Variants in PTPRK observed in about 807,000 individuals in gnomAD.
PTPRK encodes the protein protein tyrosine phosphatase receptor type K, also known as receptor-type tyrosine-protein phosphatase kappa.
Under a neutral mutation model 178.0 loss-of-function variants are expected in PTPRK, and 75 were observed. That is an observed-to-expected ratio of 0.42 (90% CI 0.35 to 0.51). The LOEUF (loss-of-function observed/expected upper bound fraction) is 0.51, where lower values mean the gene tolerates loss of function less well. PTPRK is among the 20% of genes least tolerant of loss of function. The pLI is 0.02. For synonymous variants in PTPRK, 637 were observed against 620.6 expected, an observed-to-expected ratio of 1.03 and a Z score of -0.39; for missense variants, 1,441 against 1,797.8, an observed-to-expected ratio of 0.80 and a Z score of 3.59.
intron 1 of PTPRK, among the ~76,000 whole-genome samples, chr6:128,422,933 T>A (rs1843670531): frequency 1.3e-5 from 2 of 152,122 alleles, no homozygotes; most frequent in African/African-American, 4.8e-5. Context: ...ATGAATAAAC[T>A]TTTTCTAAGC....
At chr6:128,250,168 C>G (rs1215073170) in intron 3 of PTPRK, among the ~76,000 whole-genome samples, 1 of 152,164 alleles carries the variant, frequency 6.6e-6, no homozygotes, top group Non-Finnish European at 1.5e-5. Flanking sequence ...ATCTATCAAA[C>G]CTATTTTTCT....
intron 9 of PTPRK, 120 bp from the exon 10 acceptor site, chr6:128,082,758 CTTCTTT>C (rs1457104994): frequency 3.3e-5 from 22 of 666,236 alleles, no homozygotes; most frequent in Non-Finnish European, 5.2e-5. Context: ...TAATTTTTTT[CTTCTTT>C]TCTTTCTCAT....
Position 128,464,614 on chromosome 6 carries a change from C to T in PTPRK, c.100+55645G>A, listed in dbSNP as rs9491956. Among the ~76,000 whole-genome samples the T allele has an allele frequency of 4.8e-3, 355 of 73,900 alleles. 6 individuals are homozygous for T. Among genetic ancestry groups the T allele is most frequent in the African/African-American group, 0.015 (281 of 18,476 alleles). The allele number at this position is 73,900 out of a possible 152,430, so 48.5% of individuals were successfully genotyped here. A position where few individuals can be genotyped will look rare whatever the true frequency, so the allele number is the denominator to read the frequency against. ...ATTTTAGTTTAAATATATATATATA[C>T]ATATACATATATATATATATACACA... On this transcript the variant is annotated intron_variant, in intron 1 of 29. Transcript: ENST00000368226.
chr6:128,129,800 A>G (rs1793933397), intron 7 of PTPRK, among the ~76,000 whole-genome samples: 4 of 152,044 alleles, frequency 2.6e-5, no homozygotes, highest in Admixed American at 2.0e-4. Context: ...GCATGTCCCT[A>G]CTCCCATTTT....
chr6:128,351,238 C>T (rs1044222054), intron 2 of PTPRK, among the ~76,000 whole-genome samples: 2 of 152,118 alleles, frequency 1.3e-5, no homozygotes, highest in African/African-American at 4.8e-5. Flanking sequence ...GTGATATAAA[C>T]ACGGGAAAAA....
At chr6:128,430,093 A>C (rs1181574982) in intron 1 of PTPRK, among the ~76,000 whole-genome samples, 1 of 152,188 alleles carries the variant, frequency 6.6e-6, no homozygotes, top group Non-Finnish European at 1.5e-5. Context: ...ATGTTTATAC[A>C]ATATGAGGAA....
chr6:128,389,332 ATAAT>A (rs944930502), intron 2 of PTPRK, among the ~76,000 whole-genome samples: 4 of 151,532 alleles, frequency 2.6e-5, no homozygotes, highest in Non-Finnish European at 5.9e-5. Flanking sequence ...ATTATAAGAG[ATAAT>A]TAATATCATA....
At chr6:128,436,864 T>C (rs1010245191) in intron 1 of PTPRK, among the ~76,000 whole-genome samples, 23 of 152,166 alleles carry the variant, frequency 1.5e-4, no homozygotes, top group African/African-American at 5.3e-4. Context: ...GAATTGCTGT[T>C]CAATGGATAT....
At chr6:128,418,490 G>C (rs1321207146) in intron 1 of PTPRK, among the ~76,000 whole-genome samples, 1 of 152,174 alleles carries the variant, frequency 6.6e-6, no homozygotes, top group African/African-American at 2.4e-5. Flanking sequence ...CTATTATGAA[G>C]TGCACATGTG....
chr6:128,316,942 C>A (rs1294737371), intron 3 of PTPRK, among the ~76,000 whole-genome samples: 3 of 152,034 alleles, frequency 2.0e-5, no homozygotes, highest in African/African-American at 2.4e-5. Flanking sequence ...GCCTTTCCAA[C>A]CCATTTGGGG....
intron 2 of PTPRK, 102 bp downstream of exon 2, chr6:128,397,464 C>T (rs1840465390): frequency 1.4e-6 from 2 of 1,400,160 alleles, no homozygotes; most frequent in Non-Finnish European, 2.0e-6. Flanking sequence ...AATAATTTAG[C>T]TTATTATAAC....
rs1208845788 is a variant in PTPRK at position 127,973,122 on chromosome 6, A to G, written c.4169T>C (p.Ile1390Thr). 1 of 1,613,998 alleles carries G rather than the reference A, an allele frequency of 6.2e-7. No individual in the cohort carries two copies. Among genetic ancestry groups the G allele is most frequent in the Admixed American group, 1.7e-5 (1 of 60,018 alleles). Residue 1390 changes from isoleucine to threonine, a missense_variant, in exon 29 of 30, where the codon ATA (isoleucine) becomes ACA (threonine). Ile to Thr is a moderately conservative substitution (Grantham distance 89). Around this residue, in one of 4 missense-constraint regions of PTPRK, gnomAD observed 335 missense variants for 512.4 expected, o/e 0.65. Transcript: ENST00000368226. ...GGGRSGMFCA[I>T]GIVVEMVKRQ... The stretch of plus-strand genomic sequence containing the variant: ...TTTCACCATTTCAACAACGATGCCT[A>G]TAGCACAGAACATGCCACTTCGCCC...
chr6:128,271,940 A>G (rs1462896707), intron 3 of PTPRK, among the ~76,000 whole-genome samples: 1 of 150,370 alleles, frequency 6.7e-6, no homozygotes, highest in African/African-American at 2.5e-5. Context: ...ACTCGTTAAT[A>G]TAGTAATTCA....
intron 22 of PTPRK, 97 bp from the exon 23 acceptor site, chr6:127,983,474 T>C (rs1775597511): frequency 7.5e-7 from 1 of 1,341,306 alleles, no homozygotes; most frequent in East Asian, 2.4e-5. Flanking sequence ...TAGAATCAAA[T>C]TGATTTAACA....
At position 128,128,560 on chromosome 6, in the gene PTPRK, T is replaced by C. The variant is rs570464229; in HGVS notation, c.1163-38568A>G. 3.9e-5 allele frequency among the ~76,000 whole-genome samples: 6 copies of C among 152,352 alleles called. No homozygotes were observed. The South Asian group carries it at 1.2e-3, about 32-fold the overall frequency. On this transcript the variant is annotated intron_variant, in intron 7 of 29. Coordinates refer to ENST00000368226, the MANE Select transcript of PTPRK (RefSeq NM_002844.4). ...ATTGAGAGCAAAATCTGCACAATAC[T>C]GTGCTTCTCAAAAGAGAGTACTTGT...
chr6:128,214,828 T>A (rs761338383), intron 6 of PTPRK, among the ~76,000 whole-genome samples: 9 of 152,270 alleles, frequency 5.9e-5, no homozygotes, highest in Admixed American at 1.3e-4. Flanking sequence ...TATATTGTCT[T>A]ACAACGGAAT....
intron 13 of PTPRK, among the ~76,000 whole-genome samples, chr6:128,021,880 T>C (rs1009967686): frequency 6.6e-6 from 1 of 152,302 alleles, no homozygotes; most frequent in Admixed American, 6.5e-5. Context: ...GTCTATAAAA[T>C]GTAGTAGTAA....
At chr6:128,297,466 T>C (rs1824680451) in intron 3 of PTPRK, among the ~76,000 whole-genome samples, 1 of 152,260 alleles carries the variant, frequency 6.6e-6, no homozygotes, top group African/African-American at 2.4e-5. Context: ...ATTGACCACA[T>C]AGTTGGAAGT....
At chr6:128,050,929 T>C (rs1225478505) in intron 13 of PTPRK, among the ~76,000 whole-genome samples, 1 of 152,212 alleles carries the variant, frequency 6.6e-6, no homozygotes, top group Admixed American at 6.5e-5. Context: ...TGTTCTTAGA[T>C]TTAAATTCTT....
Sources: gnomAD v4.1 joint callset for allele counts (sites outside exome capture counted in the v4.1 genomes callset) on GRCh38, gnomAD v4.1.1 for gene constraint, gnomAD v4.1.1 regional missense constraint, MANE v1.5 for transcripts, NCBI Gene and HGNC (gene_info 2026-07-23, HGNC 2026-07-21) for gene names.